The following GPC6 variants were observed in gnomAD, a reference collection of about 807,000 sequenced individuals.
GPC6 encodes glypican 6.
GPC6 carries 14 observed loss-of-function variants against 55.2 expected under a neutral mutation model. The observed-to-expected ratio is 0.25, with a 90% CI of 0.17 to 0.40. The LOEUF is 0.40. Among genes scored for constraint, GPC6 ranks in the 10% least tolerant of loss-of-function variants. The pLI is 1.00. For missense variants in GPC6, 641 were observed against 708.5 expected (o/e 0.90, Z 1.08); for synonymous variants, 278 against 259.6 (o/e 1.07, Z -0.68).
chr13:93,585,467 T>G (rs9524138), intron 2 of GPC6, among the ~76,000 whole-genome samples: 2,753 of 152,316 alleles, frequency 0.018, 38 homozygotes, highest in Non-Finnish European at 0.027. Context: ...ATCAACAGTG[T>G]TTTAAATGCT....
At chr13:94,188,458 T>A (rs1337285700) in intron 4 of GPC6, among the ~76,000 whole-genome samples, 1 of 152,164 alleles carries the variant, frequency 6.6e-6, no homozygotes, top group African/African-American at 2.4e-5. Flanking sequence ...ATAGAGTCAA[T>A]TAGCCCAGCA....
intron 4 of GPC6, among the ~76,000 whole-genome samples, chr13:94,180,228 C>T (rs1051289702): frequency 3.9e-5 from 6 of 152,114 alleles, no homozygotes; most frequent in Non-Finnish European, 8.8e-5. Flanking sequence ...ATGACCGTGA[C>T]ATTGGAAGTA....
chr13:93,679,414 A>G (rs1003907760), intron 2 of GPC6, among the ~76,000 whole-genome samples: 14 of 152,254 alleles, frequency 9.2e-5, no homozygotes, highest in African/African-American at 2.2e-4. Flanking sequence ...AAGAGTGGCA[A>G]TTTTGCTGCT....
chr13:93,477,977 A>C (rs1879360819), intron 1 of GPC6, among the ~76,000 whole-genome samples: 2 of 145,050 alleles, frequency 1.4e-5, no homozygotes, highest in East Asian at 2.2e-4. Context: ...TACTTGGATT[A>C]TCTCTTTGCA....
intron 7 of GPC6, among the ~76,000 whole-genome samples, chr13:94,389,606 C>A (rs1566749377): frequency 1.3e-5 from 2 of 152,100 alleles, no homozygotes; most frequent in South Asian, 4.1e-4. Context: ...GTTTTCTCTT[C>A]ACGCAGACCC....
intron 3 of GPC6, among the ~76,000 whole-genome samples, chr13:93,933,497 T>G (rs960864464): frequency 1.3e-5 from 2 of 152,048 alleles, no homozygotes; most frequent in African/African-American, 2.4e-5. Context: ...ATGCCATCTC[T>G]CTGGGCCTCA....
chr13:93,833,110 AG>A (rs1276367938), intron 3 of GPC6, among the ~76,000 whole-genome samples: 57 of 17,208 alleles, frequency 3.3e-3, no homozygotes, highest in African/African-American at 0.016. Flanking sequence ...TAGATGATAG[AG>A]AGAGAGAGAG....
chr13:94,299,164 G>A lies in GPC6; in HGVS notation c.1009-6816G>A, dbSNP rs185429888. 3.9e-5 allele frequency among the ~76,000 whole-genome samples: 6 copies of A among 152,192 alleles called. No individual in the cohort carries two copies. In the East Asian group the frequency reaches 7.7e-4, roughly 20 times the overall value. On this transcript the variant is annotated intron_variant, in intron 5 of 8. Transcript: ENST00000377047. ...ATCATAGAGCTTAAATTATTCATGGGTAATTCTGCGTAATCCTTAGATTTG... is the reference window on the plus strand; with the variant it reads ...ATCATAGAGCTTAAATTATTCATGGATAATTCTGCGTAATCCTTAGATTTG...
At chr13:93,545,473 G>A (rs752811379) in intron 2 of GPC6, 52 bp downstream of exon 2, 2 of 1,416,560 alleles carry the variant, frequency 1.4e-6, no homozygotes, top group East Asian at 2.3e-5. Flanking sequence ...TTTTCTATGA[G>A]AATCTTGGTA....
intron 2 of GPC6, among the ~76,000 whole-genome samples, chr13:93,604,516 A>G (rs1352622302): frequency 6.6e-6 from 1 of 152,108 alleles, no homozygotes; most frequent in Non-Finnish European, 1.5e-5. Context: ...AAATCATAAC[A>G]TTTGGAGGTT....
intron 3 of GPC6, among the ~76,000 whole-genome samples, chr13:93,834,947 A>G (rs1281469013): frequency 6.6e-6 from 1 of 152,192 alleles, no homozygotes; most frequent in Non-Finnish European, 1.5e-5. Flanking sequence ...TCATTCCCTT[A>G]TCTTCCACCA....
intron 4 of GPC6, among the ~76,000 whole-genome samples, chr13:94,132,413 C>T (rs909037435): frequency 2.0e-5 from 3 of 152,106 alleles, no homozygotes; most frequent in Non-Finnish European, 2.9e-5. Context: ...TGAAAATCCT[C>T]GTTATTGGGA....
chr13:93,604,552 C>T (rs1320079980), intron 2 of GPC6, among the ~76,000 whole-genome samples: 1 of 152,136 alleles, frequency 6.6e-6, no homozygotes, highest in Non-Finnish European at 1.5e-5. Flanking sequence ...TGCAAATATA[C>T]AGTGAGGTAC....
chr13:93,418,148 G>C (rs1304727441), intron 1 of GPC6, among the ~76,000 whole-genome samples: 1 of 150,912 alleles, frequency 6.6e-6, no homozygotes. Context: ...TTTAATTTTT[G>C]TGTGTGCATA....
At position 94,403,280 on chromosome 13, in the gene GPC6, T is replaced by C; in HGVS notation, c.*63T>C. 1.7e-6 allele frequency: 2 copies of C among 1,157,844 alleles called. No homozygotes were observed. Among genetic ancestry groups the C allele is most frequent in the South Asian group, 2.5e-5 (2 of 79,494 alleles). The allele number at this position is 1,157,844 out of a possible 1,614,324, so 71.7% of individuals were successfully genotyped here. Reference sequence around the variant, plus strand: ...ATCTGAATGGCCAACTCACTTCTTTTCTTACACTCTTGGACAATGGACCAT... The same window carrying C: ...ATCTGAATGGCCAACTCACTTCTTTCCTTACACTCTTGGACAATGGACCAT... On this transcript the variant is annotated 3_prime_UTR_variant, in exon 9 of 9. Transcript: ENST00000377047.
At chr13:93,503,077 G>C (rs1189017091) in intron 1 of GPC6, among the ~76,000 whole-genome samples, 1 of 152,114 alleles carries the variant, frequency 6.6e-6, no homozygotes, top group Non-Finnish European at 1.5e-5. Flanking sequence ...TCCATTCATT[G>C]TTTTACCTCC....
intron 4 of GPC6, among the ~76,000 whole-genome samples, chr13:94,190,076 C>A (rs1488493217): frequency 6.6e-6 from 1 of 151,338 alleles, no homozygotes; most frequent in African/African-American, 2.4e-5. Flanking sequence ...GTAATCCCAA[C>A]ACTTTGGGAG....
chr13:94,312,854 G>A lies in GPC6; in HGVS notation c.1152+6731G>A, dbSNP rs189032079. Among the ~76,000 whole-genome samples, 39 of 152,260 alleles carry A rather than the reference G, an allele frequency of 2.6e-4. No homozygotes were observed. The East Asian group carries it at 7.5e-3, about 29-fold the overall frequency. On this transcript the variant is annotated intron_variant, in intron 6 of 8. Coordinates refer to ENST00000377047, the MANE Select transcript of GPC6 (RefSeq NM_005708.5). ...GTTTTCTAAAGATAAATGGGTCAAG[G>A]CCAGATTGGCTTTCAGCCTCCGCTG...
intron 1 of GPC6, among the ~76,000 whole-genome samples, chr13:93,493,668 A>G (rs1306757868): frequency 2.9e-5 from 4 of 138,408 alleles, no homozygotes; most frequent in Non-Finnish European, 4.7e-5. Flanking sequence ...TTAGTGCTAT[A>G]AATTTCCCTC....
Sources: allele counts gnomAD v4.1 joint callset (sites outside exome capture counted in the v4.1 genomes callset), GRCh38; gene constraint gnomAD v4.1.1; transcripts MANE v1.5; gene names NCBI Gene and HGNC (gene_info 2026-07-23, HGNC 2026-07-21).